TG: variants seen among roughly 807,000 people sequenced by gnomAD.
TG encodes the protein thyroglobulin.
TG carries 270 observed loss-of-function variants against 324.7 expected under a neutral mutation model. The ratio of observed to expected loss-of-function variants is 0.83; its 90% CI spans 0.75 to 0.92. The LOEUF is 0.92. TG is among the 40% of genes least tolerant of loss of function. The pLI is 0.00. For missense variants in TG, 3,591 were observed against 3,456.4 expected (o/e 1.04, Z -0.98); for synonymous variants, 1,401 against 1,327.0 (o/e 1.06, Z -1.21).
Position 133,011,925 on chromosome 8 carries a change from T to TG in TG, c.6289dup (p.Ala2097GlyfsTer8). On this transcript the variant is annotated frameshift_variant, in exon 36 of 48. Transcript: ENST00000220616. LOFTEE classifies it high-confidence loss of function. ...GTGTCTCTGGACTCGTGGCAGTCCC[T>TG]GGCCCTCTCTTCAGTGGTTGTTGAT... 1.1e-5 allele frequency: 17 copies of TG among 1,614,212 alleles called. No homozygotes were observed. The highest frequency in any genetic ancestry group is 1.4e-5 in the Non-Finnish European group (17 of 1,180,032).
At chr8:133,081,615 A>T (rs1235635629) in intron 41 of TG, among the ~76,000 whole-genome samples, 1 of 152,172 alleles carries the variant, frequency 6.6e-6, no homozygotes, top group Non-Finnish European at 1.5e-5. Context: ...CTTTATGTCC[A>T]CCACAACTGT....
At chr8:132,924,515 A>T (rs1394392321) in intron 22 of TG, among the ~76,000 whole-genome samples, 1 of 152,162 alleles carries the variant, frequency 6.6e-6, no homozygotes, top group Non-Finnish European at 1.5e-5. Flanking sequence ...AATCAACATG[A>T]ACCTATAAAG....
chr8:132,983,520 C>G (rs868521581), intron 35 of TG, 108 bp downstream of exon 35: 1 of 1,098,616 alleles, frequency 9.1e-7, no homozygotes, highest in Non-Finnish European at 1.4e-6. Flanking sequence ...GCATATCACT[C>G]GCATTAATTC....
chr8:132,883,695 T>C (rs764454567), intron 8 of TG, among the ~76,000 whole-genome samples: 17 of 152,132 alleles, frequency 1.1e-4, no homozygotes, highest in Non-Finnish European at 2.4e-4. Flanking sequence ...TCATCGTGGG[T>C]TTTGCACGTA....
rs116119508 is a variant in TG at position 132,898,226 on chromosome 8, G to T, written c.3197G>T (p.Arg1066Leu). 1 of 1,601,778 alleles carries T rather than the reference G, an allele frequency of 6.2e-7. No homozygotes were observed. Among genetic ancestry groups the T allele is most frequent in the South Asian group, 1.1e-5 (1 of 88,450 alleles). ...GGFIPGSLTA[R>L]SLQIPQCPTT... ...TTCATCCCTGGCTCACTGACTGCCC[G>T]CTCTCTGCAGATTCCACAGTGTAAG... Residue 1066 changes from arginine to leucine, a missense_variant, in exon 13 of 48, where the codon CGC (arginine) becomes CTC (leucine). By Grantham distance (102) the Arg-to-Leu change is moderately radical (BLOSUM62 -2). Transcript: ENST00000220616.
intron 2 of TG, among the ~76,000 whole-genome samples, chr8:132,869,469 C>T (rs1418152683): frequency 6.6e-6 from 1 of 152,164 alleles, no homozygotes; most frequent in East Asian, 1.9e-4. Context: ...CAGGGTGGGT[C>T]ACTTGTTTTG....
At chr8:133,025,546 C>T (rs1160766490) in intron 40 of TG, among the ~76,000 whole-genome samples, 1 of 152,174 alleles carries the variant, frequency 6.6e-6, no homozygotes, top group Non-Finnish European at 1.5e-5. Flanking sequence ...ACATGTGTTA[C>T]CCTTGATGAG....
At chr8:132,924,351 G>A (rs1032527574) in intron 22 of TG, among the ~76,000 whole-genome samples, 2 of 152,184 alleles carry the variant, frequency 1.3e-5, no homozygotes, top group African/African-American at 4.8e-5. Flanking sequence ...CCATGGACTG[G>A]TACCAGTCTA....
intron 21 of TG, 51 bp downstream of exon 21, chr8:132,919,576 A>G (rs1293046469): frequency 1.2e-6 from 2 of 1,608,286 alleles, no homozygotes; most frequent in Admixed American, 3.3e-5. Context: ...AATGAAATGG[A>G]ACTCAACAGG....
intron 41 of TG, among the ~76,000 whole-genome samples, chr8:133,077,845 C>G (rs1179837205): frequency 6.6e-6 from 1 of 151,818 alleles, no homozygotes; most frequent in Non-Finnish European, 1.5e-5. Context: ...CTGGACCTGA[C>G]CCCCTAGACA....
chr8:133,053,035 C>A (rs918005689), intron 41 of TG, among the ~76,000 whole-genome samples: 4 of 152,180 alleles, frequency 2.6e-5, no homozygotes, highest in Admixed American at 1.3e-4. Context: ...ATGTGATGGG[C>A]CTTTCTCCAA....
intron 35 of TG, chr8:132,994,990 A>G (rs1564054172): frequency 1.3e-5 from 13 of 974,434 alleles, no homozygotes; most frequent in Non-Finnish European, 1.6e-5. Flanking sequence ...TAAATTTTGT[A>G]ATTCTCAGCA....
chr8:133,012,423 TGTTTTG>T (rs1834602020), intron 36 of TG, among the ~76,000 whole-genome samples: 1 of 152,246 alleles, frequency 6.6e-6, no homozygotes, highest in Non-Finnish European at 1.5e-5. Context: ...TAAGAGCTAT[TGTTTTG>T]GTAAAACTCA....
chr8:133,036,650 C>T (rs80347717), intron 41 of TG: 3,079 of 152,584 alleles, frequency 0.02, 32 homozygotes, highest in South Asian at 0.045. Context: ...TCTAGTTGCA[C>T]GTTTATTTGA....
rs1338868300 is a variant in TG at position 133,018,015 on chromosome 8, C to T, written c.6782+18C>T. 2.5e-6 allele frequency: 4 copies of T among 1,611,236 alleles called. No homozygotes were observed. In the Admixed American group the frequency reaches 6.7e-5, roughly 27 times the overall value. The stretch of plus-strand genomic sequence containing the variant: ...AAGCCAAGGTATGGGTTGAGTGGAG[C>T]ACATCTTGGTAAATGCTCAGAGAAA... On this transcript the variant is annotated intron_variant, in intron 38 of 47. Transcript: ENST00000220616.
chr8:133,105,803 G>A (rs1242774122), intron 43 of TG, among the ~76,000 whole-genome samples: 1 of 152,198 alleles, frequency 6.6e-6, no homozygotes, highest in Non-Finnish European at 1.5e-5. Context: ...ACAGCAGAAC[G>A]AGGTTCCAGA....
At position 133,122,134 on chromosome 8, in the gene TG, G is replaced by A. The variant is rs73708877; in HGVS notation, c.7862+5418G>A. ...AACAACTAGTGAAAAAAAATACAAC[G>A]AATTATTGCTTTCTTATAGACTATT... On this transcript the variant is annotated intron_variant, in intron 45 of 47. Coordinates refer to ENST00000220616, the MANE Select transcript of TG (RefSeq NM_003235.5). Among the ~76,000 whole-genome samples, 1,427 of 152,174 alleles carry A rather than the reference G, an allele frequency of 9.4e-3. 19 individuals carry two copies. The highest frequency in any genetic ancestry group is 0.033 in the African/African-American group (1,363 of 41,504).
chr8:133,074,905 G>A, intron 41 of TG: 1 of 985,524 alleles, frequency 1.0e-6, no homozygotes, highest in South Asian at 4.7e-5. Flanking sequence ...GGGATTGCTG[G>A]GTGCAGAGTC....
chr8:133,091,918 G>A (rs888490197), intron 41 of TG, among the ~76,000 whole-genome samples: 2 of 151,248 alleles, frequency 1.3e-5, no homozygotes, highest in Non-Finnish European at 1.5e-5. Flanking sequence ...TCCATCTGTG[G>A]CTACGTCTGT....
Sources: gnomAD v4.1 joint callset for allele counts (sites outside exome capture counted in the v4.1 genomes callset) on GRCh38, gnomAD v4.1.1 for gene constraint, MANE v1.5 for transcripts, NCBI Gene and HGNC (gene_info 2026-07-23, HGNC 2026-07-21) for gene names.